Variants in SLC28A2 observed in about 807,000 individuals in gnomAD.
The protein encoded by SLC28A2 is solute carrier family 28 member 2, also known as sodium/nucleoside cotransporter 2.
Under a neutral mutation model 72.9 loss-of-function variants are expected in SLC28A2, and 69 were observed. That is an observed-to-expected ratio of 0.95 (90% CI 0.78 to 1.16). The LOEUF (loss-of-function observed/expected upper bound fraction) is 1.16, where lower values mean the gene tolerates loss of function less well. SLC28A2 is among the 50% of genes most tolerant of loss of function. The pLI, the probability that SLC28A2 is intolerant of heterozygous loss-of-function variation, is 0.00. For synonymous variants in SLC28A2, 296 were observed against 294.1 expected (o/e 1.01, Z -0.07); for missense variants, 745 against 791.1 (o/e 0.94, Z 0.70).
In SLC28A2 at chr15:45,267,484, C is replaced by A. The variant is rs115124295; in HGVS notation, c.972C>A (p.Tyr324Ter). The A allele has an allele frequency of 3.2e-4, 519 of 1,614,074 alleles. 1 individual carries two copies. In the East Asian group the frequency reaches 4.1e-3, roughly 13 times the overall value. ...AGGCACCTCTGCTCATCCGTCCCTACCTTGGGGACATGACACTCTCTGAAA... is the reference window on the plus strand; with the variant it reads ...AGGCACCTCTGCTCATCCGTCCCTAACTTGGGGACATGACACTCTCTGAAA... ...MTEAPLLIRP[Y>*]LGDMTLSEIH... Residue 324 changes from tyrosine (Y) to a stop codon, truncating the protein, a stop_gained, in exon 11 of 18, where the codon TAC becomes TAA. Coordinates refer to ENST00000347644, the MANE Select transcript of SLC28A2 (RefSeq NM_004212.4). LOFTEE classifies it high-confidence loss of function.
Position 45,253,198 on chromosome 15 carries a change from A to C in SLC28A2, c.-16-2A>C. 1 of 1,597,700 alleles carries C rather than the reference A, an allele frequency of 6.3e-7. No individual in the cohort carries two copies. ...AGGCTTGGCCCTGAATTTGTTTTTCAGTTGAGGAGAACAGGAGATGGAGAA... is the reference window on the plus strand; with the variant it reads ...AGGCTTGGCCCTGAATTTGTTTTTCCGTTGAGGAGAACAGGAGATGGAGAA... On this transcript the variant is annotated splice_acceptor_variant, in intron 1 of 17. Coordinates refer to ENST00000347644, the MANE Select transcript of SLC28A2 (RefSeq NM_004212.4). LOFTEE classifies it low-confidence loss of function (5UTR_SPLICE).
chr15:45,270,077 T>A, intron 14 of SLC28A2, 118 bp from the exon 15 acceptor site: 1 of 711,530 alleles, frequency 1.4e-6, no homozygotes, highest in East Asian at 2.6e-5. Flanking sequence ...CCTTTCATGT[T>A]CCTTGGGAAA....
chr15:45,255,341 G>A (rs535658016), intron 3 of SLC28A2: 19 of 152,094 alleles, frequency 1.2e-4, no homozygotes, highest in African/African-American at 4.6e-4. Context: ...TTAATGAGGA[G>A]TAAGACCAGG....
chr15:45,272,810 C>G (rs752543029), intron 17 of SLC28A2, 26 bp downstream of exon 17: 10 of 1,220,424 alleles, frequency 8.2e-6, no homozygotes, highest in East Asian at 4.6e-5. Context: ...CCATTCCTTT[C>G]TCTCACACAC....
chr15:45,265,448 C>G, intron 8 of SLC28A2, 135 bp from the exon 9 acceptor site: 1 of 705,360 alleles, frequency 1.4e-6, no homozygotes, highest in African/African-American at 1.7e-5. Context: ...AAATGTATCC[C>G]TAAACTAGTT....
chr15:45,263,857 A>G (rs752937405), intron 5 of SLC28A2, 24 bp from the exon 6 acceptor site: 7 of 1,590,772 alleles, frequency 4.4e-6, no homozygotes, highest in South Asian at 3.4e-5. Context: ...GGTTGATGAC[A>G]TGGTCTTGGC....
Position 45,265,567 on chromosome 15 carries a change from A to C in SLC28A2, c.781-16A>C. On this transcript the variant is annotated splice_polypyrimidine_tract_variant and intron_variant, in intron 8 of 17. Transcript: ENST00000347644. The stretch of plus-strand genomic sequence containing the variant: ...GCAATGTAACATCTCACCACCTGCT[A>C]CCATTCTCATTACAGGCCTTACCAA... 1 of 1,583,618 alleles carries C rather than the reference A, an allele frequency of 6.3e-7. No homozygotes were observed. Among genetic ancestry groups the C allele is most frequent in the Non-Finnish European group, 8.7e-7 (1 of 1,152,226 alleles).
chr15:45,265,296 C>T, intron 8 of SLC28A2, 130 bp downstream of exon 8: 1 of 714,780 alleles, frequency 1.4e-6, no homozygotes, highest in South Asian at 1.5e-5. Context: ...AGGGTTTAAC[C>T]CCATCAGTAA....
At chr15:45,272,050 C>A in intron 15 of SLC28A2, 1 of 462,764 alleles carries the variant, frequency 2.2e-6, no homozygotes, top group Non-Finnish European at 3.9e-6. Context: ...GTTCACAGAA[C>A]CATTAAAGTG....
At position 45,266,125 on chromosome 15, in the gene SLC28A2, G is replaced by A. The variant is rs116791166; in HGVS notation, c.906G>A (p.Glu302=). 6.2e-7 allele frequency: 1 copy of A among 1,613,898 alleles called. No individual in the cohort carries two copies. The highest frequency in any genetic ancestry group is 2.2e-5 in the East Asian group (1 of 44,890). Residue 302 remains glutamate (E), a synonymous_variant, in exon 10 of 18, where the codon GAG becomes GAA. Transcript: ENST00000347644. ...TCACTATGGGCACCACTGCTACAGA[G>A]ACCCTGGCTGTGGCAGGAAACATCT... ...LQITMGTTAT[E]TLAVAGNIFV...
intron 3 of SLC28A2, among the ~76,000 whole-genome samples, chr15:45,261,619 GTT>G (rs1397816990): frequency 6.6e-5 from 10 of 152,168 alleles, no homozygotes; most frequent in Admixed American, 5.2e-4. Flanking sequence ...AAGGCCATAG[GTT>G]TGTTTGGTTT....
At chr15:45,264,805 G>A in intron 7 of SLC28A2, 37 bp downstream of exon 7, 2 of 1,250,382 alleles carry the variant, frequency 1.6e-6, no homozygotes, top group Non-Finnish European at 2.4e-6. Flanking sequence ...TTCTCTTTTA[G>A]AACCCTAGAG....
At position 45,270,276 on chromosome 15, in the gene SLC28A2, A is replaced by C; in HGVS notation, c.1648A>C (p.Thr550Pro). ...SSIGITLGGLTSIVPHRKSDL... is the reference protein window; with the variant it reads ...SSIGITLGGLPSIVPHRKSDL... ...CATAGGAATCACACTTGGAGGCTTGAGTGAGTTCATCCATTTTCCCAGCTC... is the reference window on the plus strand; with the variant it reads ...CATAGGAATCACACTTGGAGGCTTGCGTGAGTTCATCCATTTTCCCAGCTC... Residue 550 changes from threonine (T) to proline (P), a missense_variant and splice_region_variant, in exon 15 of 18, where the codon ACA (threonine) becomes CCA (proline). Physicochemically the swap from Thr to Pro is conservative, Grantham distance 38. Transcript: ENST00000347644. 6.2e-7 allele frequency: 1 copy of C among 1,605,890 alleles called. No homozygotes were observed. Among genetic ancestry groups the C allele is most frequent in the Non-Finnish European group, 8.5e-7 (1 of 1,172,566 alleles).
intron 3 of SLC28A2, among the ~76,000 whole-genome samples, chr15:45,257,238 C>G (rs1455551056): frequency 6.6e-6 from 1 of 152,080 alleles, no homozygotes; most frequent in Non-Finnish European, 1.5e-5. Context: ...GATGCTGCCT[C>G]TCCTCCCCTC....
At position 45,272,761 on chromosome 15, in the gene SLC28A2, G is replaced by A. The variant is rs200120748; in HGVS notation, c.1836G>A (p.Met612Ile). The A allele has an allele frequency of 4.5e-5, 73 of 1,606,416 alleles. No individual in the cohort carries two copies. The highest frequency in any genetic ancestry group is 3.3e-4 in the Admixed American group (20 of 59,986). Residue 612 changes from methionine (M) to isoleucine (I), a missense_variant, in exon 17 of 18, where the codon ATG becomes ATA. Coordinates refer to ENST00000347644, the MANE Select transcript of SLC28A2 (RefSeq NM_004212.4). ...CCAATAGAACCTATGAGACCTACAT[G>A]TGCTGCAGAGGGCTCTTTCAGAGGT... is the stretch of plus-strand genomic sequence containing the variant. ...SFTNRTYETY[M>I]CCRGLFQSTS...
chr15:45,264,888 GA>G, intron 7 of SLC28A2, 120 bp downstream of exon 7: 1 of 754,282 alleles, frequency 1.3e-6, no homozygotes, highest in Non-Finnish European at 2.3e-6. Context: ...ATCTGGTTGG[GA>G]AAGGAGAGAG....
At chr15:45,253,603 A>G in intron 3 of SLC28A2, 83 bp downstream of exon 3, 1 of 745,772 alleles carries the variant, frequency 1.3e-6, no homozygotes, top group Non-Finnish European at 2.4e-6. Flanking sequence ...TATTATCACA[A>G]CCGCTCCACC....
At chr15:45,262,666 G>A (rs1900198190) in intron 4 of SLC28A2, among the ~76,000 whole-genome samples, 1 of 152,174 alleles carries the variant, frequency 6.6e-6, no homozygotes, top group South Asian at 2.1e-4. Context: ...TACATGGTTT[G>A]TTCCAGAGGC....
intron 10 of SLC28A2, 141 bp from the exon 11 acceptor site, chr15:45,267,314 A>G: frequency 1.1e-6 from 1 of 887,400 alleles, no homozygotes; most frequent in Non-Finnish European, 1.8e-6. Flanking sequence ...CGTGCTCACT[A>G]AGTGAAGCTG....
Sources: allele counts gnomAD v4.1 joint callset (sites outside exome capture counted in the v4.1 genomes callset), GRCh38; gene constraint gnomAD v4.1.1; transcripts MANE v1.5; gene names NCBI Gene and HGNC (gene_info 2026-07-23, HGNC 2026-07-21).